Variants in CTNNB1 observed in about 807,000 individuals in gnomAD.
The protein encoded by CTNNB1 is catenin beta 1.
Under a neutral mutation model 82.5 loss-of-function variants are expected in CTNNB1, and 6 were observed. That is an observed-to-expected ratio of 0.07 (90% CI 0.04 to 0.14). The LOEUF (loss-of-function observed/expected upper bound fraction) is 0.14. CTNNB1 is among the 10% of genes least tolerant of loss of function. The pLI, the probability that CTNNB1 is intolerant of heterozygous loss-of-function variation, is 1.00. For missense variants in CTNNB1, 529 were observed against 980.4 expected (o/e 0.54, Z 6.15); for synonymous variants, 312 against 329.7 (o/e 0.95, Z 0.58).
rs2078142982 is a variant in CTNNB1, at chr3:41,225,087, G to C, written c.375G>C (p.Leu125Phe). The C allele has an allele frequency of 6.2e-7, 1 of 1,613,918 alleles. No individual in the cohort carries two copies. The highest frequency in any genetic ancestry group is 1.1e-5 in the South Asian group (1 of 91,082). Residue 125 changes from leucine to phenylalanine, a missense_variant, in exon 4 of 15, where the codon TTG becomes TTC. This residue lies in a region of CTNNB1 where 411 missense variants were observed against 776.4 expected (regional missense o/e 0.53). Transcript: ENST00000349496. The surrounding 1 kb of genome is among the most constrained non-coding windows in gnomAD (Gnocchi z 5.3). ...CTCATCCCACTAATGTCCAGCGTTT[G>C]GCTGAACCATCACAGATGCTGAAAC... is the stretch of plus-strand genomic sequence containing the variant. ...DAAHPTNVQR[L>F]AEPSQMLKHA...
At position 41,239,198 on chromosome 3, in the gene CTNNB1, G is replaced by A. The variant is rs1366225605; in HGVS notation, c.2202G>A (p.Met734Ile). 6.2e-7 allele frequency: 1 copy of A among 1,614,168 alleles called. No individual in the cohort carries two copies. The highest frequency in any genetic ancestry group is 8.5e-7 in the Non-Finnish European group (1 of 1,180,030). The change falls in exon 15 of 15, where the codon ATG becomes ATA. Residue 734 changes from methionine (M) to isoleucine (I), a missense_variant. Around this residue, in one of 4 missense-constraint regions of CTNNB1, gnomAD observed 102 missense variants for 130.8 expected, o/e 0.78. Transcript: ENST00000349496. ...YGQDALGMDPMMEHEMGGHHP... is the reference protein window; with the variant it reads ...YGQDALGMDPIMEHEMGGHHP... ...AGGATGCCTTGGGTATGGACCCCATGATGGAACATGAGATGGGTGGCCACC... is the reference window on the plus strand; with the variant it reads ...AGGATGCCTTGGGTATGGACCCCATAATGGAACATGAGATGGGTGGCCACC...
At chr3:41,238,580 A>G (rs539081908) in intron 14 of CTNNB1, 4 of 194,282 alleles carry the variant, frequency 2.1e-5, no homozygotes, top group African/African-American at 9.4e-5. Flanking sequence ...ATCTGCTTCT[A>G]CCTAATTATG....
chr3:41,205,158 A>G (rs1050231337), intron 1 of CTNNB1, among the ~76,000 whole-genome samples: 1 of 152,226 alleles, frequency 6.6e-6, no homozygotes, highest in African/African-American at 2.4e-5. Context: ...CTGTGTATAC[A>G]ACTCAAGTCA....
In CTNNB1 at chr3:41,225,286, A is replaced by AT. The variant is rs1257711060; in HGVS notation, c.496-47dup. 19 of 1,613,706 alleles carry AT rather than the reference A, an allele frequency of 1.2e-5. No homozygotes were observed. The highest frequency in any genetic ancestry group is 1.6e-5 in the Non-Finnish European group (19 of 1,179,654). ...GGAGTAGTTTCAGAATGTCTACCCA[A>AT]TACCAGTACTTGAAAACTAACGATG... is the stretch of plus-strand genomic sequence containing the variant. On this transcript the variant is annotated intron_variant, in intron 4 of 14. Transcript: ENST00000349496. This position sits in a 1 kb window ranked among gnomAD's most constrained non-coding sequence, Gnocchi z 5.3.
intron 11 of CTNNB1, 65 bp downstream of exon 11, chr3:41,235,908 A>T: frequency 7.0e-6 from 11 of 1,573,542 alleles, no homozygotes; most frequent in Non-Finnish European, 9.6e-6. Context: ...AATGACTAAT[A>T]ACATTTCAGA....
At chr3:41,214,885 T>C (rs1352555960) in intron 1 of CTNNB1, among the ~76,000 whole-genome samples, 2 of 152,198 alleles carry the variant, frequency 1.3e-5, no homozygotes, top group African/African-American at 2.4e-5. Context: ...CCATCCATGC[T>C]TATGTAAGTG....
intron 1 of CTNNB1, chr3:41,221,420 C>T (rs2125611487): frequency 6.6e-6 from 1 of 151,420 alleles, no homozygotes; most frequent in Non-Finnish European, 1.5e-5. Context: ...GATCATAGCT[C>T]ACTATAACCT....
In CTNNB1 at chr3:41,239,988, T is replaced by C. The variant is rs2078540729; in HGVS notation, c.*646T>C. On this transcript the variant is annotated 3_prime_UTR_variant, in exon 15 of 15. Transcript: ENST00000349496. ...ACTTTGCTTGCTTTGAAGTAGCTCT[T>C]TTTTTTTTTTTTTTTTTTTTTTTGC... is the stretch of plus-strand genomic sequence containing the variant. 1.8e-5 allele frequency: 2 copies of C among 108,990 alleles called. No individual in the cohort carries two copies. Among genetic ancestry groups the C allele is most frequent in the Non-Finnish European group, 3.1e-5 (2 of 64,076 alleles). 6.8% of individuals were successfully genotyped at this position (108,990 alleles called of 1,614,324 possible).
chr3:41,216,712 A>C (rs111952588), intron 1 of CTNNB1, among the ~76,000 whole-genome samples: 2,614 of 152,336 alleles, frequency 0.017, 31 homozygotes, highest in Non-Finnish European at 0.024. Context: ...TATAGGGTTA[A>C]ATTATATAGG....
chr3:41,233,138 G>C lies in CTNNB1; in HGVS notation c.1082-203G>C, dbSNP rs78799232. 312 of 625,636 alleles carry C rather than the reference G, an allele frequency of 5.0e-4. 1 individual carries two copies. In the East Asian group the frequency reaches 6.9e-3, roughly 14 times the overall value. 38.8% of individuals were successfully genotyped at this position (625,636 alleles called of 1,614,324 possible). A position where few individuals can be genotyped will look rare whatever the true frequency, so the allele number is the denominator to read the frequency against. ...TAGGAAAGGAACAGTAGCTATTTGA[G>C]AGTTTGTCACTAGTGAGGTGAACTG... On this transcript the variant is annotated intron_variant, in intron 7 of 14. Coordinates refer to ENST00000349496, the MANE Select transcript of CTNNB1 (RefSeq NM_001904.4).
At position 41,199,528 on chromosome 3, in the gene CTNNB1, G is replaced by A. The variant is rs1559449572; in HGVS notation, c.-191G>A. Reference sequence around the variant, plus strand: ...TTAAGCCTCTCGGTCTGTGGCAGCAGCGTTGGCCCGGCCCCGGGAGCGGAG... The same window carrying A: ...TTAAGCCTCTCGGTCTGTGGCAGCAACGTTGGCCCGGCCCCGGGAGCGGAG... On this transcript the variant is annotated 5_prime_UTR_variant, in exon 1 of 15. Transcript: ENST00000349496. The A allele has an allele frequency of 6.5e-6, 1 of 153,286 alleles. No individual in the cohort carries two copies. Among genetic ancestry groups the A allele is most frequent in the African/African-American group, 2.4e-5 (1 of 41,578 alleles). 9.5% of individuals were successfully genotyped at this position (153,286 alleles called of 1,614,324 possible).
rs1373659369 is a variant in CTNNB1, at chr3:41,225,711, T to C, written c.786T>C (p.Leu262=). 6.2e-7 allele frequency: 1 copy of C among 1,614,172 alleles called. No individual in the cohort carries two copies. Among genetic ancestry groups the C allele is most frequent in the Admixed American group, 1.7e-5 (1 of 60,014 alleles). Residue 262 remains leucine, a synonymous_variant, in exon 6 of 15, where the codon CTT becomes CTC. Transcript: ENST00000349496. This position sits in a 1 kb window ranked among gnomAD's most constrained non-coding sequence, Gnocchi z 5.3. ...ATGCCATTACAACTCTCCACAACCTTTTATTACATCAAGAAGGAGCTAAAA... is the reference window on the plus strand; with the variant it reads ...ATGCCATTACAACTCTCCACAACCTCTTATTACATCAAGAAGGAGCTAAAA... ...LFYAITTLHN[L]LLHQEGAKMA...
At chr3:41,226,177 T>C (rs1196134077) in intron 6 of CTNNB1, among the ~76,000 whole-genome samples, 2 of 152,204 alleles carry the variant, frequency 1.3e-5, no homozygotes, top group Non-Finnish European at 2.9e-5. Flanking sequence ...TAATGCTCGC[T>C]CACCTGCCAC....
chr3:41,222,515 G>T (rs976639292), intron 1 of CTNNB1, among the ~76,000 whole-genome samples: 1 of 152,146 alleles, frequency 6.6e-6, no homozygotes, highest in Non-Finnish European at 1.5e-5. Context: ...AAATATATAT[G>T]TAATGTTGGG....
chr3:41,208,684 G>A (rs145331050), intron 1 of CTNNB1, among the ~76,000 whole-genome samples: 1 of 152,096 alleles, frequency 6.6e-6, no homozygotes, highest in African/African-American at 2.4e-5. Flanking sequence ...GTGATCTCTT[G>A]TATCTATGAC....
Position 41,225,472 on chromosome 3 carries a change from C to T in CTNNB1, c.634C>T (p.Arg212Cys), listed in dbSNP as rs770795614. 12 of 1,613,820 alleles carry T rather than the reference C, an allele frequency of 7.4e-6. No homozygotes were observed. Among genetic ancestry groups the T allele is most frequent in the African/African-American group, 2.7e-5 (2 of 74,900 alleles). ...GAATACAAATGATGTAGAAACAGCT[C>T]GTTGTACCGCTGGGACCTTGCATAA... is the stretch of plus-strand genomic sequence containing the variant. Reference protein sequence around the residue: ...MQNTNDVETARCTAGTLHNLS... With the variant: ...MQNTNDVETACCTAGTLHNLS... Residue 212 changes from arginine (R) to cysteine (C), a missense_variant, in exon 5 of 15, where the codon CGT (arginine) becomes TGT (cysteine). Arg to Cys is a radical substitution (Grantham distance 180). Transcript: ENST00000349496. This position sits in a 1 kb window ranked among gnomAD's most constrained non-coding sequence, Gnocchi z 5.3.
At chr3:41,238,425 G>A in intron 14 of CTNNB1, 1 of 241,694 alleles carries the variant, frequency 4.1e-6, no homozygotes, top group South Asian at 7.2e-5. Flanking sequence ...GAAAACTCCT[G>A]TTTCTAGGCT....
intron 7 of CTNNB1, among the ~76,000 whole-genome samples, chr3:41,229,609 G>A (rs1269119966): frequency 6.6e-6 from 1 of 152,142 alleles, no homozygotes; most frequent in Non-Finnish European, 1.5e-5. Flanking sequence ...TTTGGGCAGA[G>A]ATTATGGGGT....
At chr3:41,212,075 G>C (rs923029155) in intron 1 of CTNNB1, among the ~76,000 whole-genome samples, 5 of 152,134 alleles carry the variant, frequency 3.3e-5, no homozygotes, top group Admixed American at 3.3e-4. Flanking sequence ...TCCTCAAACT[G>C]ATGAAGCCTT....
Sources: gnomAD v4.1 joint callset for allele counts (sites outside exome capture counted in the v4.1 genomes callset) on GRCh38, gnomAD v4.1.1 for gene constraint, gnomAD v4.1.1 regional missense constraint, Gnocchi (gnomAD v3.1) non-coding constraint, MANE v1.5 for transcripts, NCBI Gene and HGNC (gene_info 2026-07-23, HGNC 2026-07-21) for gene names.